NTRK3: variants seen among roughly 807,000 people sequenced by gnomAD.
The protein encoded by NTRK3 is neurotrophic receptor tyrosine kinase 3.
In NTRK3, 24 loss-of-function variants were observed where a neutral mutation model predicts 91.7. The ratio of observed to expected loss-of-function variants is 0.26; its 90% CI spans 0.19 to 0.37. The LOEUF is 0.37. NTRK3 is among the 10% of genes least tolerant of loss of function. NTRK3 has a pLI of 1.00. For synonymous variants in NTRK3, 483 were observed against 404.0 expected (o/e 1.20, Z -2.34); for missense variants, 880 against 1,068.9 (o/e 0.82, Z 2.46).
chr15:88,200,707 G>A (rs1255828910), intron 3 of NTRK3, among the ~76,000 whole-genome samples: 1 of 152,198 alleles, frequency 6.6e-6, no homozygotes, highest in Non-Finnish European at 1.5e-5. Flanking sequence ...GGAACTGTGG[G>A]TCAATTAAAC....
rs565313640 is a variant in NTRK3 at position 87,947,178 on chromosome 15, CCTA to C, written c.1586-6428_1586-6426del. 4.4e-3 allele frequency among the ~76,000 whole-genome samples: 668 copies of C among 152,166 alleles called. 2 individuals are homozygous for C. The highest frequency in any genetic ancestry group is 7.4e-3 in the Non-Finnish European group (503 of 68,002). On this transcript the variant is annotated intron_variant, in intron 14 of 18. Coordinates refer to ENST00000394480, the Ensembl canonical transcript of NTRK3. Reference sequence around the variant, plus strand: ...ACAGGCATCAGCCACCGTGCCCGGCCCTACAAGTCTCTTAAACACAATATGTTG... The same window carrying C: ...ACAGGCATCAGCCACCGTGCCCGGCCCAAGTCTCTTAAACACAATATGTTG...
At chr15:88,229,324 T>C (rs1294087060) in intron 3 of NTRK3, among the ~76,000 whole-genome samples, 2 of 152,148 alleles carry the variant, frequency 1.3e-5, no homozygotes, top group Non-Finnish European at 2.9e-5. Context: ...CTAGAGCCCA[T>C]GAGCAGGAGA....
rs189519773 is a variant in NTRK3 at position 88,175,166 on chromosome 15, A to G, written c.395+8252T>C. Among the ~76,000 whole-genome samples the G allele has an allele frequency of 8.5e-5, 13 of 152,354 alleles. No individual in the cohort carries two copies. The East Asian group carries it at 2.3e-3, about 27-fold the overall frequency. ...TCTTTTCTTTCTTTTTCTTAGCCACAGTAAAAGTGTATTTCTCTCTCCCAC... is the reference window on the plus strand; with the variant it reads ...TCTTTTCTTTCTTTTTCTTAGCCACGGTAAAAGTGTATTTCTCTCTCCCAC... On this transcript the variant is annotated intron_variant, in intron 5 of 18. Transcript: ENST00000394480.
chr15:88,094,591 C>G (rs1347790435), intron 13 of NTRK3, among the ~76,000 whole-genome samples: 1 of 150,326 alleles, frequency 6.7e-6, no homozygotes, highest in African/African-American at 2.4e-5. Flanking sequence ...AGATCATACT[C>G]ATGAAACTCA....
intron 17 of NTRK3, among the ~76,000 whole-genome samples, chr15:87,912,554 G>C (rs1393681287): frequency 6.6e-6 from 1 of 152,086 alleles, no homozygotes; most frequent in Admixed American, 6.5e-5. Context: ...TGAATTCACA[G>C]GAAGGGAGAA....
intron 14 of NTRK3, among the ~76,000 whole-genome samples, chr15:87,973,332 A>C (rs1423702852): frequency 2.0e-5 from 3 of 152,212 alleles, no homozygotes; most frequent in Non-Finnish European, 2.9e-5. Context: ...AAACTGGAAC[A>C]AAAGTCCTAC....
chr15:88,110,390 A>C (rs3825883), intron 13 of NTRK3, among the ~76,000 whole-genome samples: 1 of 151,938 alleles, frequency 6.6e-6, no homozygotes. Context: ...ATTCTCCCCC[A>C]GAATATCCCT....
intron 17 of NTRK3, among the ~76,000 whole-genome samples, chr15:87,906,448 T>A (rs1017938456): frequency 5.3e-5 from 8 of 152,092 alleles, no homozygotes; most frequent in Admixed American, 3.3e-4. Context: ...TCCACAGCCA[T>A]GTTCACTTTC....
At chr15:87,885,865 A>T (rs1228262847) in intron 17 of NTRK3, 130 bp from the exon 18 acceptor site, 2 of 399,008 alleles carry the variant, frequency 5.0e-6, no homozygotes, top group African/African-American at 4.1e-5. Context: ...AGATTTAGAG[A>T]TACAACTTAC....
At chr15:87,975,092 G>C (rs1022738897) in intron 14 of NTRK3, among the ~76,000 whole-genome samples, 3 of 152,142 alleles carry the variant, frequency 2.0e-5, no homozygotes, top group African/African-American at 7.2e-5. Flanking sequence ...GGTAAAATCT[G>C]ACTGGTTCTG....
At chr15:88,141,758 G>A (rs2042408000) in intron 6 of NTRK3, among the ~76,000 whole-genome samples, 1 of 152,224 alleles carries the variant, frequency 6.6e-6, no homozygotes, top group South Asian at 2.1e-4. Context: ...GACAGCATGA[G>A]AATGTCCTGA....
intron 13 of NTRK3, among the ~76,000 whole-genome samples, chr15:88,118,535 G>A (rs567885114): frequency 5.3e-5 from 8 of 152,350 alleles, no homozygotes; most frequent in African/African-American, 1.9e-4. Context: ...CTGGATCAGT[G>A]AGGAAGTATG....
intron 14 of NTRK3, among the ~76,000 whole-genome samples, chr15:87,987,988 T>C (rs1567191259): frequency 6.6e-6 from 1 of 152,182 alleles, no homozygotes; most frequent in African/African-American, 2.4e-5. Context: ...CTCAAGGACG[T>C]AGAGTTTCAC....
chr15:87,860,543 T>C (rs1159379307), exon 19 of NTRK3: 2 of 201,638 alleles, frequency 9.9e-6, no homozygotes, highest in African/African-American at 4.6e-5. Context: ...ATAAACCTCT[T>C]CTCCAAAGGC....
intron 13 of NTRK3, among the ~76,000 whole-genome samples, chr15:88,058,690 C>T (rs2045941128): frequency 1.3e-5 from 2 of 152,182 alleles, no homozygotes; most frequent in Admixed American, 6.5e-5. Flanking sequence ...TATCCATCCC[C>T]ATCTGTTGCA....
intron 13 of NTRK3, among the ~76,000 whole-genome samples, chr15:88,106,607 G>A (rs2050733622): frequency 6.6e-6 from 1 of 152,048 alleles, no homozygotes; most frequent in Non-Finnish European, 1.5e-5. Context: ...AATTGCTCAA[G>A]ACCATTTTCA....
At chr15:88,208,720 T>C (rs1236653639) in intron 3 of NTRK3, among the ~76,000 whole-genome samples, 1 of 152,114 alleles carries the variant, frequency 6.6e-6, no homozygotes, top group Non-Finnish European at 1.5e-5. Flanking sequence ...AAACAGCAAG[T>C]GGTAAGCTGA....
intron 6 of NTRK3, among the ~76,000 whole-genome samples, chr15:88,143,081 G>T (rs2042544603): frequency 6.6e-6 from 1 of 152,058 alleles, no homozygotes; most frequent in African/African-American, 2.4e-5. Context: ...AAATTAACTG[G>T]GCATGGTGGT....
At chr15:87,910,006 G>C (rs546221063) in intron 17 of NTRK3, among the ~76,000 whole-genome samples, 1 of 152,150 alleles carries the variant, frequency 6.6e-6, no homozygotes, top group Non-Finnish European at 1.5e-5. Context: ...GAACACAGAG[G>C]GCCTCATGCA....
Sources: allele counts gnomAD v4.1 joint callset (sites outside exome capture counted in the v4.1 genomes callset), GRCh38; gene constraint gnomAD v4.1.1; transcripts MANE v1.5; gene names NCBI Gene and HGNC (gene_info 2026-07-23, HGNC 2026-07-21).